The following LRP8 variants were observed in gnomAD, a reference collection of about 807,000 sequenced individuals.
LRP8 encodes low-density lipoprotein receptor-related protein 8.
Under a neutral mutation model 111.6 loss-of-function variants are expected in LRP8, and 46 were observed. That is an observed-to-expected ratio of 0.41 (90% CI 0.33 to 0.53). The LOEUF (loss-of-function observed/expected upper bound fraction) is 0.53. Among genes scored for constraint, LRP8 ranks in the 20% least tolerant of loss-of-function variants. The probability of loss-of-function intolerance (pLI) is 0.20; values close to 1 mark genes in which losing one functional copy is unlikely to be tolerated. For synonymous variants in LRP8, 464 were observed against 511.2 expected (o/e 0.91, Z 1.24); for missense variants, 959 against 1,297.4 (o/e 0.74, Z 4.01).
chr1:53,313,877 A>G (rs372911072), intron 2 of LRP8, among the ~76,000 whole-genome samples: 9 of 152,328 alleles, frequency 5.9e-5, no homozygotes, highest in Middle Eastern at 3.4e-3. Flanking sequence ...CTCTCAGAGC[A>G]CTCAGCTGCA....
rs949347530 is a variant in LRP8, at chr1:53,246,664, T to C, written c.*354A>G. 1.1e-5 allele frequency: 2 copies of C among 189,428 alleles called. No individual in the cohort carries two copies. The highest frequency in any genetic ancestry group is 4.7e-5 in the African/African-American group (2 of 42,842). The allele number at this position is 189,428 out of a possible 1,614,324, so 11.7% of individuals were successfully genotyped here. A position where few individuals can be genotyped will look rare whatever the true frequency, so the allele number is the denominator to read the frequency against. ...AAGCCCCCCCAGCAACCAAACATCT[T>C]CTGTAAATATAGTTTTTAAATGATG... On this transcript the variant is annotated 3_prime_UTR_variant, in exon 19 of 19. Transcript: ENST00000306052.
intron 16 of LRP8, 126 bp downstream of exon 16, chr1:53,254,991 G>T: frequency 1.0e-6 from 1 of 970,890 alleles, no homozygotes; most frequent in South Asian, 1.4e-5. Context: ...ACTGGGAGGT[G>T]GGCAGGAAGG....
intron 2 of LRP8, among the ~76,000 whole-genome samples, chr1:53,326,403 A>G (rs1439096355): frequency 6.6e-6 from 1 of 152,208 alleles, no homozygotes; most frequent in Non-Finnish European, 1.5e-5. Flanking sequence ...CGCCCAGCCA[A>G]TCAGGGGCCC....
At position 53,250,867 on chromosome 1, in the gene LRP8, A is replaced by T; in HGVS notation, c.2504-5T>A. 6.2e-7 allele frequency: 1 copy of T among 1,614,038 alleles called. No homozygotes were observed. Among genetic ancestry groups the T allele is most frequent in the Non-Finnish European group, 8.5e-7 (1 of 1,179,964 alleles). ...TGCACAGGAGGGCTATCACCACTGG[A>T]GGAAGGACACAGGACACTGGACCTC... On this transcript the variant is annotated splice_polypyrimidine_tract_variant and splice_region_variant and intron_variant, in intron 16 of 18. Coordinates refer to ENST00000306052, the MANE Select transcript of LRP8 (RefSeq NM_004631.5). This position sits in a 1 kb window ranked among gnomAD's most constrained non-coding sequence, Gnocchi z 4.6.
In LRP8 at chr1:53,294,909, G is replaced by T. The variant is rs1165549314; in HGVS notation, c.245-5220C>A. 6.6e-6 allele frequency among the ~76,000 whole-genome samples: 1 copy of T among 152,204 alleles called. No individual in the cohort carries two copies. The highest frequency in any genetic ancestry group is 2.4e-5 in the African/African-American group (1 of 41,456). On this transcript the variant is annotated intron_variant, in intron 2 of 18. Coordinates refer to ENST00000306052, the MANE Select transcript of LRP8 (RefSeq NM_004631.5). The surrounding 1 kb of genome is among the most constrained non-coding windows in gnomAD (Gnocchi z 4.1). The stretch of plus-strand genomic sequence containing the variant: ...TGCAGAGAGAAGGCTCCAAAATAAA[G>T]ATTAGTCCGGGCTGCCCAGGGGCAC...
At chr1:53,315,839 G>T (rs985118858) in intron 2 of LRP8, among the ~76,000 whole-genome samples, 1 of 152,266 alleles carries the variant, frequency 6.6e-6, no homozygotes, top group Non-Finnish European at 1.5e-5. Context: ...CTGGAGGGCA[G>T]CCAGCCAGGT....
At chr1:53,309,863 CGTTAT>C (rs1268187256) in intron 2 of LRP8, among the ~76,000 whole-genome samples, 1 of 152,064 alleles carries the variant, frequency 6.6e-6, no homozygotes, top group African/African-American at 2.4e-5. Flanking sequence ...CAGTGATCGC[CGTTAT>C]TCATATGAAT....
In LRP8 at chr1:53,249,294, C is replaced by A; in HGVS notation, c.2853+86G>T. On this transcript the variant is annotated intron_variant, in intron 18 of 18. Coordinates refer to ENST00000306052, the MANE Select transcript of LRP8 (RefSeq NM_004631.5). The surrounding 1 kb of genome is among the most constrained non-coding windows in gnomAD (Gnocchi z 4.1). ...CTTACAATTTGCAGCCTTCCCAAAC[C>A]AGAAAGCCTTCTAGGATTGGCTGCG... 6.8e-7 allele frequency: 1 copy of A among 1,464,860 alleles called. No individual in the cohort carries two copies. The highest frequency in any genetic ancestry group is 2.3e-5 in the East Asian group (1 of 43,592). 90.7% of individuals were successfully genotyped at this position (1,464,860 alleles called of 1,614,324 possible). A position where few individuals can be genotyped will look rare whatever the true frequency, so the allele number is the denominator to read the frequency against.
At chr1:53,310,678 G>A (rs1652822096) in intron 2 of LRP8, among the ~76,000 whole-genome samples, 2 of 152,294 alleles carry the variant, frequency 1.3e-5, no homozygotes, top group East Asian at 3.9e-4. Flanking sequence ...AAGCCTGGGA[G>A]CCATGGAGCC....
chr1:53,304,076 C>T (rs1438631863), intron 2 of LRP8, among the ~76,000 whole-genome samples: 1 of 152,064 alleles, frequency 6.6e-6, no homozygotes, highest in Non-Finnish European at 1.5e-5. Context: ...AGGAAAGGGG[C>T]GATGAATTCC....
intron 2 of LRP8, among the ~76,000 whole-genome samples, chr1:53,300,996 A>G (rs1031937631): frequency 6.6e-6 from 1 of 152,172 alleles, no homozygotes; most frequent in Non-Finnish European, 1.5e-5. Context: ...GTGAGAGTGA[A>G]AGGGACAGAA....
chr1:53,313,892 G>C (rs999156499), intron 2 of LRP8, among the ~76,000 whole-genome samples: 1 of 152,214 alleles, frequency 6.6e-6, no homozygotes, highest in Admixed American at 6.5e-5. Context: ...GCTGCAGAGC[G>C]AAGATGGGTT....
chr1:53,303,661 T>C lies in LRP8; in HGVS notation c.245-13972A>G, dbSNP rs75789202. Among the ~76,000 whole-genome samples the C allele has an allele frequency of 0.02, 2,994 of 152,300 alleles. 96 individuals carry two copies. The highest frequency in any genetic ancestry group is 0.069 in the African/African-American group (2,867 of 41,542). On this transcript the variant is annotated intron_variant, in intron 2 of 18. Transcript: ENST00000306052. The surrounding 1 kb of genome is among the most constrained non-coding windows in gnomAD (Gnocchi z 4.3). Reference sequence around the variant, plus strand: ...GCCACAGAATCTTTCCAGTTTTAAATCACAAATCTTAGACTCACAAACAGA... The same window carrying C: ...GCCACAGAATCTTTCCAGTTTTAAACCACAAATCTTAGACTCACAAACAGA...
chr1:53,271,151 T>C lies in LRP8; in HGVS notation c.1129A>G (p.Ile377Val), dbSNP rs745673168. 4 of 1,613,830 alleles carry C rather than the reference T, an allele frequency of 2.5e-6. No individual in the cohort carries two copies. In the East Asian group the frequency reaches 6.7e-5, roughly 27 times the overall value. Residue 377 changes from isoleucine to valine, a missense_variant and splice_region_variant, in exon 8 of 19, where the codon ATT becomes GTT. This residue lies in a region of LRP8 where 819 missense variants were observed against 1,097.6 expected (regional missense o/e 0.75). Coordinates refer to ENST00000306052, the MANE Select transcript of LRP8 (RefSeq NM_004631.5). ...QLLDQKTCGD[I>V]DECKDPDACS... is the part of the protein sequence containing the mutation. ...GCATCTGGGTCCTTGCACTCATCAA[T>C]GTCTGTGGGGAGGAGCAGGAGTCAG...
In LRP8 at chr1:53,260,451, A is replaced by G; in HGVS notation, c.2056+13T>C. 6.2e-7 allele frequency: 1 copy of G among 1,613,632 alleles called. No homozygotes were observed. The highest frequency in any genetic ancestry group is 8.5e-7 in the Non-Finnish European group (1 of 1,179,780). On this transcript the variant is annotated intron_variant, in intron 13 of 18. Transcript: ENST00000306052. ...GTCAGGGGACCTGGGACCTAGGACCAGAGACAGCTCACCTCTTGGCTGCTT... is the reference window on the plus strand; with the variant it reads ...GTCAGGGGACCTGGGACCTAGGACCGGAGACAGCTCACCTCTTGGCTGCTT...
intron 3 of LRP8, among the ~76,000 whole-genome samples, chr1:53,280,999 C>A (rs1380128486): frequency 6.6e-6 from 1 of 152,198 alleles, no homozygotes; most frequent in Admixed American, 6.5e-5. Flanking sequence ...CCCCTCCTGG[C>A]CACACCTCCC....
At chr1:53,326,605 G>A (rs539413560) in intron 2 of LRP8, among the ~76,000 whole-genome samples, 4 of 141,566 alleles carry the variant, frequency 2.8e-5, no homozygotes, top group Admixed American at 6.8e-5. Context: ...AGTCTCCCCA[G>A]CATGGTGCGC....
rs189739706 is a variant in LRP8, at chr1:53,262,864, G to A, written c.1656-300C>T. On this transcript the variant is annotated intron_variant, in intron 10 of 18. Transcript: ENST00000306052. This position sits in a 1 kb window ranked among gnomAD's most constrained non-coding sequence, Gnocchi z 4.8. ...AACTAACTAGAGCCCTAGGGTGTCA[G>A]TGTGGGGAAGGCCCTAGTAAGCCCT... is the stretch of plus-strand genomic sequence containing the variant. 6.6e-6 allele frequency among the ~76,000 whole-genome samples: 1 copy of A among 152,328 alleles called. No individual in the cohort carries two copies. Among genetic ancestry groups the A allele is most frequent in the East Asian group, 1.9e-4 (1 of 5,182 alleles).
intron 8 of LRP8, among the ~76,000 whole-genome samples, chr1:53,270,676 C>T (rs1029818034): frequency 2.3e-4 from 35 of 152,190 alleles, no homozygotes; most frequent in Non-Finnish European, 4.6e-4. Context: ...TTAGGGCTGC[C>T]GCTGGTTCAT....
Sources: allele counts gnomAD v4.1 joint callset (sites outside exome capture counted in the v4.1 genomes callset), GRCh38; gene constraint gnomAD v4.1.1; regional missense constraint gnomAD v4.1.1; non-coding constraint Gnocchi (gnomAD v3.1); transcripts MANE v1.5; gene names NCBI Gene and HGNC (gene_info 2026-07-23, HGNC 2026-07-21).